The following CCSER1 variants were observed in gnomAD, a reference collection of about 807,000 sequenced individuals.
CCSER1 encodes the protein coiled-coil serine rich protein 1.
In CCSER1, 41 loss-of-function variants were observed where a neutral mutation model predicts 82.0. The observed-to-expected ratio is 0.50, with a 90% CI of 0.39 to 0.65. The LOEUF is 0.65. Among genes scored for constraint, CCSER1 ranks in the 30% least tolerant of loss-of-function variants. The pLI is 0.00. For missense variants in CCSER1, 1,119 were observed against 1,064.2 expected (o/e 1.05, Z -0.72); for synonymous variants, 414 against 383.9 (o/e 1.08, Z -0.92).
chr4:91,403,204 A>T (rs367761623), intron 10 of CCSER1, among the ~76,000 whole-genome samples: 119 of 152,144 alleles, frequency 7.8e-4, no homozygotes, highest in African/African-American at 2.6e-3. Context: ...TTTGTCTGTT[A>T]TTGGTGTATA....
intron 5 of CCSER1, among the ~76,000 whole-genome samples, chr4:90,589,941 T>A (rs1248494164): frequency 2.6e-5 from 4 of 152,162 alleles, no homozygotes; most frequent in Non-Finnish European, 5.9e-5. Context: ...AGTGGCCAGA[T>A]TGTATGGTGT....
At chr4:90,788,692 CCAGGAGTTGGGACTTCAA>C (rs1754848142) in intron 7 of CCSER1, among the ~76,000 whole-genome samples, 1 of 152,100 alleles carries the variant, frequency 6.6e-6, no homozygotes, top group Non-Finnish European at 1.5e-5. Context: ...TCCTGACTTA[CCAGGAGTTGGGACTTCAA>C]CATAGGAATT....
intron 9 of CCSER1, among the ~76,000 whole-genome samples, chr4:91,022,862 T>C (rs1380739579): frequency 6.6e-6 from 1 of 152,168 alleles, no homozygotes; most frequent in African/African-American, 2.4e-5. Flanking sequence ...GGGTTGTTTA[T>C]TTTTTTCTTG....
At chr4:91,518,404 C>T (rs571600291) in intron 10 of CCSER1, among the ~76,000 whole-genome samples, 2 of 152,234 alleles carry the variant, frequency 1.3e-5, no homozygotes. Flanking sequence ...AGGGCAACTG[C>T]AGCTTTCTGG....
chr4:91,227,923 T>G (rs1738333575), intron 10 of CCSER1, among the ~76,000 whole-genome samples: 2 of 152,126 alleles, frequency 1.3e-5, no homozygotes, highest in African/African-American at 2.4e-5. Flanking sequence ...GAAAAAGAAA[T>G]AAAAAGAGAA....
At chr4:91,443,713 G>A (rs1755366906) in intron 10 of CCSER1, among the ~76,000 whole-genome samples, 1 of 147,450 alleles carries the variant, frequency 6.8e-6, no homozygotes. Context: ...AAAAAATTAA[G>A]TATAGAGAAA....
chr4:91,361,769 C>A (rs1408799453), intron 10 of CCSER1, among the ~76,000 whole-genome samples: 1 of 151,706 alleles, frequency 6.6e-6, no homozygotes, highest in East Asian at 1.9e-4. Context: ...GATATTTATG[C>A]ATTAGTTCAA....
chr4:90,757,401 A>G (rs1051921691), intron 7 of CCSER1, among the ~76,000 whole-genome samples: 1 of 152,208 alleles, frequency 6.6e-6, no homozygotes, highest in Admixed American at 6.5e-5. Context: ...GGATTTGGCT[A>G]TTATATCTCT....
At chr4:90,364,086 T>G (rs1745853634) in intron 3 of CCSER1, among the ~76,000 whole-genome samples, 2 of 149,732 alleles carry the variant, frequency 1.3e-5, no homozygotes, top group African/African-American at 2.5e-5. Flanking sequence ...CAAGTCTTTC[T>G]TCTTCTCTTG....
intron 5 of CCSER1, among the ~76,000 whole-genome samples, chr4:90,559,370 G>C (rs1195319939): frequency 1.3e-5 from 2 of 152,164 alleles, no homozygotes; most frequent in African/African-American, 4.8e-5. Flanking sequence ...GAGAAGTTGA[G>C]CTGCAAAGCA....
intron 1 of CCSER1, among the ~76,000 whole-genome samples, chr4:90,297,862 T>G (rs1028636591): frequency 6.6e-6 from 1 of 152,092 alleles, no homozygotes; most frequent in African/African-American, 2.4e-5. Flanking sequence ...TCATGGTGGA[T>G]AAGCTTTTTG....
rs370818925 is a variant in CCSER1 at position 91,363,357 on chromosome 4, T to TG, written c.2218-235215_2218-235214insG. Among the ~76,000 whole-genome samples, 1,111 of 139,580 alleles carry TG rather than the reference T, an allele frequency of 8.0e-3. 11 individuals are homozygous for TG. Among genetic ancestry groups the TG allele is most frequent in the South Asian group, 0.03 (139 of 4,640 alleles). The allele number at this position is 139,580 out of a possible 152,430, so 91.6% of individuals were successfully genotyped here. On this transcript the variant is annotated intron_variant, in intron 10 of 10. Coordinates refer to ENST00000509176, the MANE Select transcript of CCSER1 (RefSeq NM_001145065.2). ...GATTGAAGCATAGGATGGAGATATT[T>TG]TGTGTGTGTGTGTGTGTGTGTGTGT...
chr4:90,224,904 G>A (rs889219694), intron 1 of CCSER1, among the ~76,000 whole-genome samples: 3 of 151,990 alleles, frequency 2.0e-5, no homozygotes, highest in African/African-American at 7.3e-5. Flanking sequence ...TCTAGTTCCT[G>A]GCTTGTGTAC....
intron 9 of CCSER1, among the ~76,000 whole-genome samples, chr4:91,045,930 G>A (rs1305599888): frequency 6.8e-6 from 1 of 147,652 alleles, no homozygotes; most frequent in Non-Finnish European, 1.5e-5. Context: ...TACAGGATTT[G>A]GGTAGATAAT....
chr4:90,297,950 A>T (rs1291372685), intron 1 of CCSER1, among the ~76,000 whole-genome samples: 1 of 152,048 alleles, frequency 6.6e-6, no homozygotes, highest in Non-Finnish European at 1.5e-5. Flanking sequence ...TTGGTCTAAA[A>T]TTCTCTTTTT....
At chr4:90,142,230 A>G (rs1188863672) in intron 1 of CCSER1, among the ~76,000 whole-genome samples, 1 of 152,160 alleles carries the variant, frequency 6.6e-6, no homozygotes, top group African/African-American at 2.4e-5. Flanking sequence ...AACTTAGAGC[A>G]CCCTCACACA....
At chr4:90,625,052 G>T (rs1261481038) in intron 5 of CCSER1, among the ~76,000 whole-genome samples, 2 of 152,060 alleles carry the variant, frequency 1.3e-5, no homozygotes, top group Non-Finnish European at 1.5e-5. Flanking sequence ...AAGCACATTT[G>T]TTCAATTTCT....
At chr4:90,745,678 C>CTTTTTTTTT (rs537380046) in intron 7 of CCSER1, among the ~76,000 whole-genome samples, 6 of 72,242 alleles carry the variant, frequency 8.3e-5, no homozygotes, top group Non-Finnish European at 1.2e-4. Flanking sequence ...TTTCTTTTAT[C>CTTTTTTTTT]TTTTTTTTTT....
At chr4:91,433,240 T>C (rs1560666661) in intron 10 of CCSER1, among the ~76,000 whole-genome samples, 1 of 152,166 alleles carries the variant, frequency 6.6e-6, no homozygotes, top group South Asian at 2.1e-4. Context: ...TGACAAACTA[T>C]ATATTGTCTG....
Sources: gnomAD v4.1 joint callset for allele counts (sites outside exome capture counted in the v4.1 genomes callset) on GRCh38, gnomAD v4.1.1 for gene constraint, MANE v1.5 for transcripts, NCBI Gene and HGNC (gene_info 2026-07-23, HGNC 2026-07-21) for gene names.